The following DNAAF9 variants were observed in gnomAD, a reference collection of about 807,000 sequenced individuals.
DNAAF9 encodes dynein axonemal assembly factor 9.
DNAAF9 carries 90 observed loss-of-function variants against 167.0 expected under a neutral mutation model. The ratio of observed to expected loss-of-function variants is 0.54; its 90% CI spans 0.45 to 0.64. The LOEUF (loss-of-function observed/expected upper bound fraction) is 0.64. DNAAF9 is among the 30% of genes least tolerant of loss of function. The pLI, the probability that DNAAF9 is intolerant of heterozygous loss-of-function variation, is 0.00. For missense variants in DNAAF9, 1,315 were observed against 1,442.2 expected (o/e 0.91, Z 1.43); for synonymous variants, 491 against 508.8 (o/e 0.96, Z 0.47).
intron 8 of DNAAF9, among the ~76,000 whole-genome samples, chr20:3,344,590 TACACAC>T (rs4053351): frequency 0.019 from 2,777 of 144,584 alleles, 28 homozygotes; most frequent in Middle Eastern, 0.035. Context: ...TACACACACA[TACACAC>T]ACACACACAC....
chr20:3,306,715 A>C (rs919858917), intron 20 of DNAAF9, among the ~76,000 whole-genome samples: 20 of 151,916 alleles, frequency 1.3e-4, no homozygotes, highest in African/African-American at 4.8e-4. Flanking sequence ...GAATCTGTAG[A>C]TGTGCCTTCT....
intron 16 of DNAAF9, among the ~76,000 whole-genome samples, chr20:3,320,517 C>T (rs7267023): frequency 3.9e-5 from 6 of 152,086 alleles, no homozygotes; most frequent in Non-Finnish European, 7.4e-5. Context: ...GCTCAAGAGT[C>T]TAAGGAGAGA....
At chr20:3,267,552 A>T (rs1269979888) in intron 30 of DNAAF9, among the ~76,000 whole-genome samples, 1 of 142,616 alleles carries the variant, frequency 7.0e-6, no homozygotes, top group Admixed American at 6.7e-5. Context: ...AAAATAATGA[A>T]TTTATATTGA....
At chr20:3,277,554 C>T (rs1360157748) in intron 29 of DNAAF9, among the ~76,000 whole-genome samples, 1 of 151,980 alleles carries the variant, frequency 6.6e-6, no homozygotes, top group Non-Finnish European at 1.5e-5. Flanking sequence ...AGGACAGGTA[C>T]CACCAACCTT....
intron 21 of DNAAF9, among the ~76,000 whole-genome samples, chr20:3,303,958 C>T (rs1052623358): frequency 1.3e-5 from 2 of 152,216 alleles, no homozygotes; most frequent in Non-Finnish European, 2.9e-5. Context: ...GGGCTAAACT[C>T]TCACGGGGAA....
chr20:3,301,111 C>T (rs1188717940), intron 21 of DNAAF9, among the ~76,000 whole-genome samples: 6 of 150,562 alleles, frequency 4.0e-5, no homozygotes, highest in African/African-American at 1.2e-4. Context: ...AACTTCTGGG[C>T]TCAAGTGATC....
chr20:3,280,956 A>G (rs2068754656), intron 28 of DNAAF9, among the ~76,000 whole-genome samples: 1 of 151,744 alleles, frequency 6.6e-6, no homozygotes, highest in African/African-American at 2.4e-5. Flanking sequence ...AATCATGTTC[A>G]CCCAATTTTA....
chr20:3,331,911 T>A (rs557485430), intron 11 of DNAAF9, among the ~76,000 whole-genome samples: 1 of 152,328 alleles, frequency 6.6e-6, no homozygotes, highest in Non-Finnish European at 1.5e-5. Context: ...TGACCTTAAG[T>A]GATCTGCCTG....
intron 30 of DNAAF9, among the ~76,000 whole-genome samples, chr20:3,269,721 G>A (rs1158519256): frequency 3.3e-5 from 5 of 152,002 alleles, no homozygotes; most frequent in Admixed American, 6.5e-5. Context: ...TTGGGAGGCC[G>A]AGGCAGGCGG....
chr20:3,352,635 T>C (rs1054447860), intron 7 of DNAAF9, among the ~76,000 whole-genome samples: 1 of 152,148 alleles, frequency 6.6e-6, no homozygotes, highest in Non-Finnish European at 1.5e-5. Flanking sequence ...AAATGCCTTA[T>C]ATAGCTGGGA....
Position 3,340,516 on chromosome 20 carries a change from A to C in DNAAF9, c.969T>G (p.Phe323Leu). 7 of 1,550,470 alleles carry C rather than the reference A, an allele frequency of 4.5e-6. No individual in the cohort carries two copies. The highest frequency in any genetic ancestry group is 5.2e-6 in the Non-Finnish European group (6 of 1,146,450). ...LVRSTGPGGSFAKHMVAQCVS... is the reference protein window; with the variant it reads ...LVRSTGPGGSLAKHMVAQCVS... Reference sequence around the variant, plus strand: ...TCCAGCCACTTACCATGTGCTTGGCAAAGCTCCCGCCGGGACCAGTGCTTC... The same window carrying C: ...TCCAGCCACTTACCATGTGCTTGGCCAAGCTCCCGCCGGGACCAGTGCTTC... The change falls in exon 10 of 37, where the codon TTT (phenylalanine) becomes TTG (leucine). Residue 323 changes from phenylalanine to leucine, a missense_variant. Around this residue, in one of 2 missense-constraint regions of DNAAF9, gnomAD observed 981 missense variants for 1,012.5 expected, o/e 0.97. Coordinates refer to ENST00000252032, the MANE Select transcript of DNAAF9 (RefSeq NM_001009984.3).
rs1438436525 is a variant in DNAAF9, at chr20:3,395,193, G to A, written c.83+12282C>T. On this transcript the variant is annotated intron_variant, in intron 1 of 36. Coordinates refer to ENST00000252032, the MANE Select transcript of DNAAF9 (RefSeq NM_001009984.3). ...TCACCGTGTTAGCCAGGATGGTCTCGATCTCCTGACCTCGTGATCCGCCCG... is the reference window on the plus strand; with the variant it reads ...TCACCGTGTTAGCCAGGATGGTCTCAATCTCCTGACCTCGTGATCCGCCCG... 1.3e-4 allele frequency among the ~76,000 whole-genome samples: 18 copies of A among 142,234 alleles called. 1 individual carries two copies. The highest frequency in any genetic ancestry group is 4.7e-4 in the African/African-American group (17 of 36,100). The allele number at this position is 142,234 out of a possible 152,430, so 93.3% of individuals were successfully genotyped here.
intron 29 of DNAAF9, among the ~76,000 whole-genome samples, chr20:3,270,806 CTCTA>C (rs2068579609): frequency 7.1e-6 from 1 of 141,486 alleles, no homozygotes; most frequent in Non-Finnish European, 1.5e-5. Context: ...CCCTAACTTC[CTCTA>C]TCTTTTTTTT....
intron 34 of DNAAF9, 70 bp downstream of exon 34, chr20:3,255,936 T>TGAGAA (rs1222349800): frequency 2.4e-6 from 3 of 1,233,542 alleles, no homozygotes; most frequent in Non-Finnish European, 3.5e-6. Flanking sequence ...GCGGGGCTTC[T>TGAGAA]CAGGGCCAAC....
chr20:3,287,045 T>TCTGTCAAA (rs1255164430), intron 27 of DNAAF9, among the ~76,000 whole-genome samples: 1 of 152,166 alleles, frequency 6.6e-6, no homozygotes, highest in East Asian at 1.9e-4. Flanking sequence ...TGGTACAAGC[T>TCTGTCAAA]CTGTCAAACC....
chr20:3,331,873 C>T (rs1318552451), intron 11 of DNAAF9, among the ~76,000 whole-genome samples: 1 of 152,170 alleles, frequency 6.6e-6, no homozygotes, highest in Admixed American at 6.5e-5. Context: ...GGGGTTTTGC[C>T]ATGTTGGCCA....
Position 3,290,216 on chromosome 20 carries a change from A to G in DNAAF9, c.2240T>C (p.Val747Ala). ...GAGGCCGGTTACAATGCTGATAATTACCTACATGAAGAAAAAGTCATGGGT... is the reference window on the plus strand; with the variant it reads ...GAGGCCGGTTACAATGCTGATAATTGCCTACATGAAGAAAAAGTCATGGGT... ...NTTHRIESDK[V>A]IISIVTGLPG... The change falls in exon 26 of 37, where the codon GTA (valine) becomes GCA (alanine). Residue 747 changes from valine (V) to alanine (A), a missense_variant and splice_region_variant. Val to Ala is a moderately conservative substitution (Grantham distance 64). Around this residue, in one of 2 missense-constraint regions of DNAAF9, gnomAD observed 981 missense variants for 1,012.5 expected, o/e 0.97. Coordinates refer to ENST00000252032, the MANE Select transcript of DNAAF9 (RefSeq NM_001009984.3). 3 of 1,599,232 alleles carry G rather than the reference A, an allele frequency of 1.9e-6. No homozygotes were observed. Among genetic ancestry groups the G allele is most frequent in the Non-Finnish European group, 2.6e-6 (3 of 1,166,374 alleles).
intron 28 of DNAAF9, among the ~76,000 whole-genome samples, chr20:3,281,092 G>A (rs879560317): frequency 1.2e-4 from 18 of 152,128 alleles, no homozygotes; most frequent in African/African-American, 3.4e-4. Context: ...GCAGTGGCAC[G>A]ATCGCAGCTC....
At chr20:3,330,347 AT>A (rs1490444173) in intron 12 of DNAAF9, among the ~76,000 whole-genome samples, 1 of 152,030 alleles carries the variant, frequency 6.6e-6, no homozygotes, top group Non-Finnish European at 1.5e-5. Context: ...GGCTTAAGTG[AT>A]CCTCCCACCT....
Sources: gnomAD v4.1 joint callset for allele counts (sites outside exome capture counted in the v4.1 genomes callset) on GRCh38, gnomAD v4.1.1 for gene constraint, gnomAD v4.1.1 regional missense constraint, MANE v1.5 for transcripts, NCBI Gene and HGNC (gene_info 2026-07-23, HGNC 2026-07-21) for gene names.